Variants in SLC9C1 observed in about 807,000 individuals in gnomAD.
SLC9C1 encodes the protein solute carrier family 9 member C1.
A neutral mutation model predicts 140.9 loss-of-function variants in SLC9C1; 97 were observed. The ratio of observed to expected loss-of-function variants is 0.69; its 90% confidence interval spans 0.58 to 0.82. The LOEUF (loss-of-function observed/expected upper bound fraction) is 0.82. SLC9C1 is among the 40% of genes least tolerant of loss of function. The probability of loss-of-function intolerance (pLI) is 0.00; values close to 1 mark genes in which losing one functional copy is unlikely to be tolerated. For missense variants in SLC9C1, 1,340 were observed against 1,389.3 expected (o/e 0.96, Z 0.56); for synonymous variants, 440 against 442.6 (o/e 0.99, Z 0.07).
chr3:112,162,343 T>C (rs1334339978), intron 26 of SLC9C1, among the ~76,000 whole-genome samples: 1 of 152,122 alleles, frequency 6.6e-6, no homozygotes, highest in Non-Finnish European at 1.5e-5. Flanking sequence ...ATCCCTGTCT[T>C]GTGCCAGTTT....
At chr3:112,252,543 T>C (rs1272450138) in intron 10 of SLC9C1, among the ~76,000 whole-genome samples, 3 of 152,148 alleles carry the variant, frequency 2.0e-5, no homozygotes, top group Non-Finnish European at 2.9e-5. Flanking sequence ...GAATGCCTTT[T>C]TATGCAGGTT....
intron 15 of SLC9C1, among the ~76,000 whole-genome samples, chr3:112,213,243 A>G (rs970655452): frequency 1.2e-4 from 19 of 152,190 alleles, no homozygotes; most frequent in Non-Finnish European, 1.9e-4. Context: ...TAGCAGCCAC[A>G]GCAAAAACAA....
intron 5 of SLC9C1, 126 bp downstream of exon 5, chr3:112,277,569 C>T: frequency 1.3e-6 from 1 of 782,214 alleles, no homozygotes; most frequent in Non-Finnish European, 1.9e-6. Context: ...GCTTAATCCT[C>T]AACCCCCAAT....
intron 11 of SLC9C1, among the ~76,000 whole-genome samples, chr3:112,242,962 A>G (rs1481314561): frequency 1.3e-5 from 2 of 152,186 alleles, no homozygotes; most frequent in Non-Finnish European, 2.9e-5. Context: ...CAAAATCACA[A>G]TGAGATACCA....
chr3:112,224,563 A>G (rs2078629538), intron 13 of SLC9C1, among the ~76,000 whole-genome samples: 1 of 148,880 alleles, frequency 6.7e-6, no homozygotes. Flanking sequence ...AAAGCAATTC[A>G]TTATGTGAAT....
In SLC9C1 at chr3:112,182,249, C is replaced by T. The variant is rs1256461714; in HGVS notation, c.2533G>A (p.Ala845Thr). Residue 845 changes from alanine (A) to threonine (T), a missense_variant, in exon 21 of 29, where the codon GCC (alanine) becomes ACC (threonine). Ala to Thr is a moderately conservative substitution (Grantham distance 58, BLOSUM62 0). Coordinates refer to ENST00000305815, the MANE Select transcript of SLC9C1 (RefSeq NM_183061.3). The stretch of plus-strand genomic sequence containing the variant: ...GAATCAAGCACCTCTTTCTTTTTGG[C>T]CATGATTAACTAAAACATAAAATTT... The part of the protein sequence containing the change: ...EGAGINKLIM[A>T]KKKEVLDSQS... 4 of 1,597,502 alleles carry T rather than the reference C, an allele frequency of 2.5e-6. No homozygotes were observed. The South Asian group carries it at 3.5e-5, about 14-fold the overall frequency.
chr3:112,142,784 T>G (rs980285467), intron 28 of SLC9C1, among the ~76,000 whole-genome samples: 1 of 152,228 alleles, frequency 6.6e-6, no homozygotes, highest in Non-Finnish European at 1.5e-5. Context: ...GTTTGTTACC[T>G]GGGTATATTG....
chr3:112,156,031 T>C (rs2075117960), intron 26 of SLC9C1, among the ~76,000 whole-genome samples: 2 of 152,130 alleles, frequency 1.3e-5, no homozygotes, highest in Admixed American at 1.3e-4. Context: ...ATTCTTCTCT[T>C]CTGGCTATTT....
At position 112,204,462 on chromosome 3, in the gene SLC9C1, T is replaced by G. The variant is rs993698993; in HGVS notation, c.1987-59A>C. ...TTGTTTCTGCTTTTACTACACCATT[T>G]TCCACAATAATTTAAACATCATGTT... On this transcript the variant is annotated intron_variant, in intron 16 of 28. Coordinates refer to ENST00000305815, the MANE Select transcript of SLC9C1 (RefSeq NM_183061.3). 24 of 1,495,976 alleles carry G rather than the reference T, an allele frequency of 1.6e-5. No individual in the cohort carries two copies. The Admixed American group carries it at 5.9e-4, about 37-fold the overall frequency. 92.7% of individuals were successfully genotyped at this position (1,495,976 alleles called of 1,614,324 possible).
intron 11 of SLC9C1, 37 bp downstream of exon 11, chr3:112,243,956 GTT>G: frequency 7.4e-7 from 1 of 1,353,288 alleles, no homozygotes; most frequent in Non-Finnish European, 1.0e-6. Flanking sequence ...TACTTAGAAT[GTT>G]TTTCTCTCCA....
At chr3:112,214,870 T>C (rs954800811) in intron 15 of SLC9C1, among the ~76,000 whole-genome samples, 13 of 151,810 alleles carry the variant, frequency 8.6e-5, no homozygotes, top group African/African-American at 3.2e-4. Flanking sequence ...GAGGCCAGCA[T>C]CATCCAGATA....
At chr3:112,231,109 TTCTC>T (rs1456390860) in intron 13 of SLC9C1, among the ~76,000 whole-genome samples, 3 of 140,166 alleles carry the variant, frequency 2.1e-5, no homozygotes, top group African/African-American at 7.8e-5. Flanking sequence ...CTTTCCTTCT[TTCTC>T]TGTCTTTCGT....
At chr3:112,241,145 T>G (rs1181423960) in intron 11 of SLC9C1, among the ~76,000 whole-genome samples, 2 of 152,198 alleles carry the variant, frequency 1.3e-5, no homozygotes, top group Non-Finnish European at 2.9e-5. Context: ...TAAACATTTT[T>G]AAAGTTTTAC....
chr3:112,228,615 A>AT (rs1273109231), intron 13 of SLC9C1, among the ~76,000 whole-genome samples: 1 of 152,150 alleles, frequency 6.6e-6, no homozygotes, highest in African/African-American at 2.4e-5. Flanking sequence ...ACAAAAAGAA[A>AT]TATTTGCAAA....
At chr3:112,221,055 A>C (rs1440998384) in intron 14 of SLC9C1, 73 bp downstream of exon 14, 10 of 1,275,492 alleles carry the variant, frequency 7.8e-6, no homozygotes, top group Non-Finnish European at 8.9e-6. Flanking sequence ...AGACAAAAAC[A>C]AGAAAACTCA....
chr3:112,192,153 T>A (rs1183046583), intron 20 of SLC9C1, among the ~76,000 whole-genome samples: 2 of 152,124 alleles, frequency 1.3e-5, no homozygotes, highest in African/African-American at 2.4e-5. Context: ...TCATTTTCAC[T>A]GGTATTAAGT....
chr3:112,293,767 C>T (rs2080758277), intron 1 of SLC9C1, among the ~76,000 whole-genome samples: 1 of 152,190 alleles, frequency 6.6e-6, no homozygotes, highest in Non-Finnish European at 1.5e-5. Flanking sequence ...AACCAGTGAG[C>T]TTTCCCCTAG....
At chr3:112,227,739 A>C (rs955403414) in intron 13 of SLC9C1, among the ~76,000 whole-genome samples, 1 of 152,158 alleles carries the variant, frequency 6.6e-6, no homozygotes, top group African/African-American at 2.4e-5. Context: ...CAATATTAAC[A>C]AACAAACAAA....
At chr3:112,192,522 T>C (rs1490271142) in intron 20 of SLC9C1, among the ~76,000 whole-genome samples, 1 of 152,208 alleles carries the variant, frequency 6.6e-6, no homozygotes, top group Non-Finnish European at 1.5e-5. Flanking sequence ...GGGTGGTGTC[T>C]ACCTTTTATT....
Sources: gnomAD v4.1 joint callset for allele counts (sites outside exome capture counted in the v4.1 genomes callset) on GRCh38, gnomAD v4.1.1 for gene constraint, MANE v1.5 for transcripts, NCBI Gene and HGNC (gene_info 2026-07-23, HGNC 2026-07-21) for gene names.